The following SUGCT variants were observed in gnomAD, a reference collection of about 807,000 sequenced individuals.
The protein encoded by SUGCT is succinyl-CoA:glutarate CoA-transferase.
Under a neutral mutation model 55.0 loss-of-function variants are expected in SUGCT, and 41 were observed. The observed-to-expected ratio is 0.74, with a 90% CI of 0.58 to 0.97. The LOEUF is 0.97. Among genes scored for constraint, SUGCT ranks in the 50% least tolerant of loss-of-function variants. The pLI is 0.00. For missense variants in SUGCT, 568 were observed against 547.8 expected (o/e 1.04, Z -0.37); for synonymous variants, 187 against 200.4 (o/e 0.93, Z 0.56).
chr7:40,419,649 C>G (rs1787200808), intron 9 of SUGCT, among the ~76,000 whole-genome samples: 1 of 152,072 alleles, frequency 6.6e-6, no homozygotes, highest in Non-Finnish European at 1.5e-5. Flanking sequence ...AGTTGTAGCT[C>G]AGGTCCACTG....
At chr7:40,928,123 A>C in the SUGCT span, among the ~76,000 whole-genome samples, 1 of 151,400 alleles carries the variant, frequency 6.6e-6, no homozygotes, top group Non-Finnish European at 1.5e-5. Flanking sequence ...AATTATTTTT[A>C]TTTTTTTTCC....
chr7:40,325,477 G>GT (rs1795980724), intron 9 of SUGCT, among the ~76,000 whole-genome samples: 1 of 152,034 alleles, frequency 6.6e-6, no homozygotes, highest in Non-Finnish European at 1.5e-5. Context: ...ATGTATGTAT[G>GT]TATTTATAAA....
intron 9 of SUGCT, among the ~76,000 whole-genome samples, chr7:40,322,112 G>A (rs887171771): frequency 6.6e-6 from 1 of 152,154 alleles, no homozygotes; most frequent in Non-Finnish European, 1.5e-5. Context: ...TTTAAGAGCA[G>A]TGTTTTTTTA....
intron 6 of SUGCT, among the ~76,000 whole-genome samples, chr7:40,221,039 G>A (rs1032051838): frequency 1.2e-4 from 18 of 152,132 alleles, no homozygotes; most frequent in African/African-American, 3.4e-4. Flanking sequence ...GTTAGATCCC[G>A]TCTAATTTGT....
chr7:40,943,914 T>C, the SUGCT span, among the ~76,000 whole-genome samples: 1 of 149,964 alleles, frequency 6.7e-6, no homozygotes, highest in African/African-American at 2.4e-5. Flanking sequence ...AAAGTGTTCC[T>C]ATTTCTCCAC....
At chr7:40,889,805 T>C in the SUGCT span, among the ~76,000 whole-genome samples, 1 of 152,200 alleles carries the variant, frequency 6.6e-6, no homozygotes, top group African/African-American at 2.4e-5. Context: ...AGACTATCCC[T>C]GTTACCACTT....
chr7:40,541,896 G>A (rs1207304763), intron 12 of SUGCT, among the ~76,000 whole-genome samples: 4 of 152,156 alleles, frequency 2.6e-5, no homozygotes, highest in African/African-American at 7.2e-5. Context: ...TTCATGGAGC[G>A]GGTGGCATTT....
At chr7:41,025,387 T>G in the SUGCT span, among the ~76,000 whole-genome samples, 31 of 151,830 alleles carry the variant, frequency 2.0e-4, no homozygotes, top group Admixed American at 2.0e-3. Flanking sequence ...TTTTTTTTTT[T>G]GAGACGTAGT....
chr7:40,507,865 A>G (rs577396545), intron 12 of SUGCT, among the ~76,000 whole-genome samples: 3 of 152,326 alleles, frequency 2.0e-5, no homozygotes, highest in African/African-American at 4.8e-5. Flanking sequence ...CTGTGATCTC[A>G]GAAGGGCTCA....
chr7:40,283,163 A>G lies in SUGCT; in HGVS notation c.720+8507A>G, dbSNP rs111995536. Among the ~76,000 whole-genome samples the G allele has an allele frequency of 6.2e-3, 941 of 152,278 alleles. 7 individuals are homozygous for G. Among genetic ancestry groups the G allele is most frequent in the African/African-American group, 0.021 (887 of 41,558 alleles). ...GATAAGGGGTTGTTATCCAAAATAT[A>G]TAAGGAACCCAAACAGTTCACCCCA... On this transcript the variant is annotated intron_variant, in intron 8 of 13. Transcript: ENST00000335693.
chr7:40,260,058 C>T (rs1251337780), intron 7 of SUGCT, among the ~76,000 whole-genome samples: 1 of 152,162 alleles, frequency 6.6e-6, no homozygotes, highest in Non-Finnish European at 1.5e-5. Flanking sequence ...GATTAAACAT[C>T]CTTAATGTAT....
At chr7:40,421,873 G>A (rs1376988945) in intron 9 of SUGCT, among the ~76,000 whole-genome samples, 5 of 152,156 alleles carry the variant, frequency 3.3e-5, no homozygotes, top group Non-Finnish European at 7.4e-5. Flanking sequence ...TTCATCCACT[G>A]CAGGTCCTTC....
intron 1 of SUGCT, chr7:40,153,781 C>T (rs1788711582): frequency 2.4e-6 from 1 of 412,824 alleles, no homozygotes; most frequent in Admixed American, 2.6e-5. Context: ...AGAAGGCTAA[C>T]CATCCTTGCC....
At chr7:40,693,217 T>G (rs1784773957) in intron 12 of SUGCT, among the ~76,000 whole-genome samples, 2 of 152,114 alleles carry the variant, frequency 1.3e-5, no homozygotes, top group South Asian at 4.1e-4. Flanking sequence ...TGATAGAAGT[T>G]TTTCAAGTAC....
intron 12 of SUGCT, chr7:40,538,403 A>G (rs1794486042): frequency 6.6e-6 from 1 of 152,250 alleles, no homozygotes; most frequent in Non-Finnish European, 1.5e-5. Flanking sequence ...AAGTTTCTGC[A>G]CAACCCAGGG....
chr7:40,414,309 C>T (rs968662100), intron 9 of SUGCT, among the ~76,000 whole-genome samples: 12 of 152,092 alleles, frequency 7.9e-5, no homozygotes, highest in Non-Finnish European at 1.3e-4. Context: ...CTTTTTCCCA[C>T]CCAGGATGTG....
the SUGCT span, among the ~76,000 whole-genome samples, chr7:40,896,959 C>T: frequency 6.6e-6 from 1 of 152,126 alleles, no homozygotes; most frequent in Non-Finnish European, 1.5e-5. Flanking sequence ...TTTCAAGATA[C>T]ACTACAAAGC....
the SUGCT span, among the ~76,000 whole-genome samples, chr7:41,021,365 T>C: frequency 6.6e-6 from 1 of 152,222 alleles, no homozygotes; most frequent in Non-Finnish European, 1.5e-5. Flanking sequence ...TTTCCTTATA[T>C]ATGTTTTTTA....
chr7:40,635,576 T>C (rs867667633), intron 12 of SUGCT, among the ~76,000 whole-genome samples: 3 of 152,346 alleles, frequency 2.0e-5, no homozygotes, highest in South Asian at 4.1e-4. Context: ...TAAGAATCTC[T>C]ATATAAACAC....
Sources: allele counts gnomAD v4.1 joint callset (sites outside exome capture counted in the v4.1 genomes callset), GRCh38; gene constraint gnomAD v4.1.1; transcripts MANE v1.5; gene names NCBI Gene and HGNC (gene_info 2026-07-23, HGNC 2026-07-21).